Variants in BCAS3 observed in about 807,000 individuals in gnomAD.
The protein encoded by BCAS3 is BCAS3 microtubule associated cell migration factor.
Under a neutral mutation model 116.1 loss-of-function variants are expected in BCAS3, and 53 were observed. The ratio of observed to expected loss-of-function variants is 0.46; its 90% CI spans 0.37 to 0.57. The LOEUF (loss-of-function observed/expected upper bound fraction) is 0.57. Ranked by LOEUF, BCAS3 falls within the 20% of genes least tolerant of loss-of-function variation. The pLI is 0.00. For synonymous variants in BCAS3, 391 were observed against 408.2 expected (o/e 0.96, Z 0.51); for missense variants, 917 against 1,165.4 (o/e 0.79, Z 3.10).
At position 61,378,865 on chromosome 17, in the gene BCAS3, G is replaced by C. The variant is rs973789557; in HGVS notation, c.2593+10371G>C. Reference sequence around the variant, plus strand: ...AAGGCTACTGGAAGCCCCGCCAGGGGCAGAGCTGTAATGGGAGTTTGGGCT... The same window carrying C: ...AAGGCTACTGGAAGCCCCGCCAGGGCCAGAGCTGTAATGGGAGTTTGGGCT... On this transcript the variant is annotated intron_variant, in intron 23 of 23. Transcript: ENST00000407086. This position sits in a 1 kb window ranked among gnomAD's most constrained non-coding sequence, Gnocchi z 5.8. 1 of 152,322 alleles carries C rather than the reference G, an allele frequency of 6.6e-6. No homozygotes were observed. Among genetic ancestry groups the C allele is most frequent in the African/African-American group, 2.4e-5 (1 of 41,470 alleles). 9.4% of individuals were successfully genotyped at this position (152,322 alleles called of 1,614,324 possible).
At chr17:60,685,318 G>A (rs1568010424) in intron 3 of BCAS3, among the ~76,000 whole-genome samples, 2 of 151,762 alleles carry the variant, frequency 1.3e-5, no homozygotes, top group African/African-American at 2.4e-5. Flanking sequence ...GTGTGGTGGC[G>A]CATGCCTGTA....
chr17:61,176,097 C>T (rs2079113778), intron 22 of BCAS3, among the ~76,000 whole-genome samples: 1 of 146,454 alleles, frequency 6.8e-6, no homozygotes, highest in African/African-American at 2.6e-5. Context: ...CATGATTGTG[C>T]CCCTGCACTC....
chr17:60,795,664 A>G (rs549463397), intron 6 of BCAS3, among the ~76,000 whole-genome samples: 1 of 152,220 alleles, frequency 6.6e-6, no homozygotes, highest in African/African-American at 2.4e-5. Context: ...TTCTGCATCT[A>G]TTGAGATGAG....
In BCAS3 at chr17:61,186,181, C is replaced by T. The variant is rs1032814014; in HGVS notation, c.2425+101617C>T. Among the ~76,000 whole-genome samples the T allele has an allele frequency of 1.3e-5, 2 of 152,064 alleles. No individual in the cohort carries two copies. Among genetic ancestry groups the T allele is most frequent in the Non-Finnish European group, 2.9e-5 (2 of 67,996 alleles). Reference sequence around the variant, plus strand: ...GATAGCTTATTTATATATTCATACACATTCTATAAAATCATTTTTAACCCG... The same window carrying T: ...GATAGCTTATTTATATATTCATACATATTCTATAAAATCATTTTTAACCCG... On this transcript the variant is annotated intron_variant, in intron 22 of 23. Coordinates refer to ENST00000407086, the MANE Select transcript of BCAS3 (RefSeq NM_017679.5). This position sits in a 1 kb window ranked among gnomAD's most constrained non-coding sequence, Gnocchi z 4.9.
At chr17:60,905,682 GACGCGGACAC>G (rs1317476981) in intron 11 of BCAS3, among the ~76,000 whole-genome samples, 3 of 152,188 alleles carry the variant, frequency 2.0e-5, no homozygotes, top group Non-Finnish European at 2.9e-5. Context: ...GGAAATTGAA[GACGCGGACAC>G]ACAAGGAATG....
chr17:61,184,884 CAG>C (rs2079677993), intron 22 of BCAS3, among the ~76,000 whole-genome samples: 1 of 151,834 alleles, frequency 6.6e-6, no homozygotes, highest in African/African-American at 2.4e-5. Flanking sequence ...CTAGAAAAAG[CAG>C]AACTATAGAG....
chr17:60,915,919 G>A (rs370765165), intron 12 of BCAS3, among the ~76,000 whole-genome samples: 2 of 151,682 alleles, frequency 1.3e-5, no homozygotes, highest in Non-Finnish European at 2.9e-5. Flanking sequence ...TCCTGACCTC[G>A]TGATCTGCCC....
In BCAS3 at chr17:61,376,504, A is replaced by G. The variant is rs1466811822; in HGVS notation, c.2593+8010A>G. Among the ~76,000 whole-genome samples the G allele has an allele frequency of 6.6e-6, 1 of 152,164 alleles. No homozygotes were observed. Among genetic ancestry groups the G allele is most frequent in the Non-Finnish European group, 1.5e-5 (1 of 68,044 alleles). The stretch of plus-strand genomic sequence containing the variant: ...GAAGGGTTAGTCTTTCGGCCTCCTG[A>G]AAGTAGGAATCGCTCTCCTCTCCAG... On this transcript the variant is annotated intron_variant, in intron 23 of 23. Coordinates refer to ENST00000407086, the MANE Select transcript of BCAS3 (RefSeq NM_017679.5). The surrounding 1 kb of genome is among the most constrained non-coding windows in gnomAD (Gnocchi z 4.5).
chr17:60,737,389 A>G (rs1910656637), intron 5 of BCAS3, among the ~76,000 whole-genome samples: 1 of 152,034 alleles, frequency 6.6e-6, no homozygotes. Flanking sequence ...TTTCAATTTC[A>G]TTGATTTCTG....
At position 61,224,661 on chromosome 17, in the gene BCAS3, C is replaced by T. The variant is rs995013772; in HGVS notation, c.2425+140097C>T. The stretch of plus-strand genomic sequence containing the variant: ...CCACCACTTCTTACTTCTGCAACCT[C>T]GGGCACATTCCTCATCATCTCTCTA... On this transcript the variant is annotated intron_variant, in intron 22 of 23. Coordinates refer to ENST00000407086, the MANE Select transcript of BCAS3 (RefSeq NM_017679.5). This position sits in a 1 kb window ranked among gnomAD's most constrained non-coding sequence, Gnocchi z 5.7. Among the ~76,000 whole-genome samples, 4 of 152,206 alleles carry T rather than the reference C, an allele frequency of 2.6e-5. No individual in the cohort carries two copies. The highest frequency in any genetic ancestry group is 9.7e-5 in the African/African-American group (4 of 41,450).
rs987413961 is a variant in BCAS3 at position 61,346,049 on chromosome 17, T to G, written c.2426-22278T>G. Among the ~76,000 whole-genome samples, 1 of 152,198 alleles carries G rather than the reference T, an allele frequency of 6.6e-6. No homozygotes were observed. The highest frequency in any genetic ancestry group is 2.4e-5 in the African/African-American group (1 of 41,446). The stretch of plus-strand genomic sequence containing the variant: ...AAGGCCAAAGGTGTTGGCTTGGTCA[T>G]GCACCTGACATCATACTTTTAGTGC... On this transcript the variant is annotated intron_variant, in intron 22 of 23. Transcript: ENST00000407086. This position sits in a 1 kb window ranked among gnomAD's most constrained non-coding sequence, Gnocchi z 5.4.
At position 61,140,002 on chromosome 17, in the gene BCAS3, G is replaced by A. The variant is rs1021055733; in HGVS notation, c.2425+55438G>A. Among the ~76,000 whole-genome samples, 9 of 152,100 alleles carry A rather than the reference G, an allele frequency of 5.9e-5. No individual in the cohort carries two copies. Among genetic ancestry groups the A allele is most frequent in the African/African-American group, 9.7e-5 (4 of 41,412 alleles). ...TGTAATCCCAGCACTTTGGGAGGCC[G>A]AGGTGGATAGATCACTTGAGGTCAG... is the stretch of plus-strand genomic sequence containing the variant. On this transcript the variant is annotated intron_variant, in intron 22 of 23. Coordinates refer to ENST00000407086, the MANE Select transcript of BCAS3 (RefSeq NM_017679.5). This position sits in a 1 kb window ranked among gnomAD's most constrained non-coding sequence, Gnocchi z 4.2.
At chr17:61,298,487 C>T (rs2053139039) in intron 22 of BCAS3, among the ~76,000 whole-genome samples, 3 of 152,210 alleles carry the variant, frequency 2.0e-5, no homozygotes, top group African/African-American at 7.2e-5. Context: ...GGAAACTCTT[C>T]CAAATGCCCT....
At chr17:60,816,870 G>C (rs981884369) in intron 7 of BCAS3, among the ~76,000 whole-genome samples, 3 of 152,146 alleles carry the variant, frequency 2.0e-5, no homozygotes, top group African/African-American at 4.8e-5. Flanking sequence ...GTTCGTTTCA[G>C]CAGTTACTAG....
At chr17:60,770,226 G>A (rs1156915211) in intron 6 of BCAS3, among the ~76,000 whole-genome samples, 3 of 151,884 alleles carry the variant, frequency 2.0e-5, no homozygotes, top group Admixed American at 1.3e-4. Flanking sequence ...AGGGGTTCTC[G>A]TGTAATTAGG....
At chr17:61,283,513 GTGCCATCTC>G (rs2051428919) in intron 22 of BCAS3, among the ~76,000 whole-genome samples, 1 of 151,494 alleles carries the variant, frequency 6.6e-6, no homozygotes, top group Non-Finnish European at 1.5e-5. Flanking sequence ...GAGTGCAGTG[GTGCCATCTC>G]AGCTCACTGC....
chr17:60,857,962 A>G (rs1402271826), intron 7 of BCAS3, among the ~76,000 whole-genome samples: 1 of 151,630 alleles, frequency 6.6e-6, no homozygotes, highest in Middle Eastern at 3.4e-3. Context: ...CAGTTGTGAC[A>G]TTGTATGGAT....
intron 15 of BCAS3, among the ~76,000 whole-genome samples, chr17:60,999,545 T>G (rs1166438143): frequency 3.7e-5 from 4 of 107,292 alleles, no homozygotes; most frequent in Non-Finnish European, 6.9e-5. Context: ...AGACTGTGTC[T>G]CAAAAAAAAA....
At chr17:61,053,772 T>C (rs1269059590) in intron 19 of BCAS3, among the ~76,000 whole-genome samples, 1 of 152,204 alleles carries the variant, frequency 6.6e-6, no homozygotes, top group Non-Finnish European at 1.5e-5. Context: ...AAAGAGTGTT[T>C]ATAGTCCATT....
Sources: gnomAD v4.1 joint callset for allele counts (sites outside exome capture counted in the v4.1 genomes callset) on GRCh38, gnomAD v4.1.1 for gene constraint, Gnocchi (gnomAD v3.1) non-coding constraint, MANE v1.5 for transcripts, NCBI Gene and HGNC (gene_info 2026-07-23, HGNC 2026-07-21) for gene names.